The following IMP4 variants were observed in gnomAD, a reference collection of about 807,000 sequenced individuals.
IMP4 encodes U3 small nucleolar ribonucleoprotein IMP4.
Under a neutral mutation model 42.7 loss-of-function variants are expected in IMP4, and 30 were observed. The observed-to-expected ratio is 0.70, with a 90% CI of 0.53 to 0.95. The LOEUF is 0.95. Ranked by LOEUF, IMP4 falls within the 40% of genes least tolerant of loss-of-function variation. The pLI, the probability that IMP4 is intolerant of heterozygous loss-of-function variation, is 0.00. For synonymous variants in IMP4, 165 were observed against 165.2 expected (o/e 1.00, Z 0.01); for missense variants, 382 against 411.4 (o/e 0.93, Z 0.62).
rs1679427199 is a variant in IMP4, at chr2:130,345,178, A to C, written c.197-198A>C. The stretch of plus-strand genomic sequence containing the variant: ...TAGCTTAAGCAAACTACAATTAAAC[A>C]AAAGATTCTGTTTCTCAGCCACGCT... On this transcript the variant is annotated intron_variant, in intron 3 of 8. Coordinates refer to ENST00000259239, the MANE Select transcript of IMP4 (RefSeq NM_033416.3). This position sits in a 1 kb window ranked among gnomAD's most constrained non-coding sequence, Gnocchi z 4.9. 2.6e-5 allele frequency among the ~76,000 whole-genome samples: 4 copies of C among 152,346 alleles called. No homozygotes were observed. In the South Asian group the frequency reaches 8.3e-4, roughly 32 times the overall value.
chr2:130,342,995 T>C (rs1679140046), intron 1 of IMP4, 60 bp downstream of exon 1: 1 of 1,613,088 alleles, frequency 6.2e-7, no homozygotes. Context: ...GGGATGTGGC[T>C]CTGGGGACTT....
Position 130,345,702 on chromosome 2 carries a change from A to G in IMP4, c.439+3A>G, listed in dbSNP as rs1679491280. 1.2e-6 allele frequency: 2 copies of G among 1,613,500 alleles called. No individual in the cohort carries two copies. Among genetic ancestry groups the G allele is most frequent in the East Asian group, 2.2e-5 (1 of 44,856 alleles). On this transcript the variant is annotated splice_donor_region_variant and intron_variant, in intron 5 of 8. Coordinates refer to ENST00000259239, the MANE Select transcript of IMP4 (RefSeq NM_033416.3). This position sits in a 1 kb window ranked among gnomAD's most constrained non-coding sequence, Gnocchi z 4.9. ...TCACGAGCATCGGGGCACACCTGGT[A>G]AGGCCGGAGGGAGGGAGTCGGGGTG... is the stretch of plus-strand genomic sequence containing the variant.
In IMP4 at chr2:130,346,289, G is replaced by A; in HGVS notation, c.763+15G>A. On this transcript the variant is annotated intron_variant, in intron 8 of 8. Coordinates refer to ENST00000259239, the MANE Select transcript of IMP4 (RefSeq NM_033416.3). ...TGAGCTGAAGCGTGAGTTTGAGGCT[G>A]AATCCCGTGTCTGGGGTGGGGAGGG... 6.2e-7 allele frequency: 1 copy of A among 1,613,702 alleles called. No individual in the cohort carries two copies. The highest frequency in any genetic ancestry group is 1.7e-5 in the Admixed American group (1 of 59,966).
At position 130,345,919 on chromosome 2, in the gene IMP4, C is replaced by T. The variant is rs147576325; in HGVS notation, c.580C>T (p.Arg194Cys). Reference sequence around the variant, plus strand: ...CCTCATCACACACGGCTTCTCCTCCCGCCTGGGCAAGCGGGTGAGTCTGGG... The same window carrying T: ...CCTCATCACACACGGCTTCTCCTCCTGCCTGGGCAAGCGGGTGAGTCTGGG... ...PHLITHGFSS[R>C]LGKRVSDILR... Residue 194 changes from arginine to cysteine, a missense_variant, in exon 6 of 9, where the codon CGC (arginine) becomes TGC (cysteine). Transcript: ENST00000259239. The surrounding 1 kb of genome is among the most constrained non-coding windows in gnomAD (Gnocchi z 4.9). 40 of 1,614,180 alleles carry T rather than the reference C, an allele frequency of 2.5e-5. No homozygotes were observed. The highest frequency in any genetic ancestry group is 9.3e-5 in the African/African-American group (7 of 75,060).
In IMP4 at chr2:130,345,483, A is replaced by G. The variant is rs771333403; in HGVS notation, c.304A>G (p.Lys102Glu). 6.2e-7 allele frequency: 1 copy of G among 1,614,004 alleles called. No individual in the cohort carries two copies. Among genetic ancestry groups the G allele is most frequent in the Non-Finnish European group, 8.5e-7 (1 of 1,179,948 alleles). The change falls in exon 4 of 9, where the codon AAG (lysine) becomes GAG (glutamate). Residue 102 changes from lysine to glutamate, a missense_variant and splice_region_variant. By Grantham distance (56) the Lys-to-Glu change is moderately conservative. Coordinates refer to ENST00000259239, the MANE Select transcript of IMP4 (RefSeq NM_033416.3). The surrounding 1 kb of genome is among the most constrained non-coding windows in gnomAD (Gnocchi z 4.9). ...DPSSRLKMFA[K>E]ELKLVFPGAQ... ...CAGTTCCCGCCTCAAGATGTTTGCA[A>G]AGGTACTGGTGAGCAGGGAGTGAGG...
Position 130,342,929 on chromosome 2 carries a change from CA to C in IMP4, c.-2del. The C allele has an allele frequency of 1.9e-6, 3 of 1,614,122 alleles. No homozygotes were observed. In the South Asian group the frequency reaches 3.3e-5, roughly 18 times the overall value. ...CCCGGACCCACGTGGAAGCGGCACT[CA>C]AGATGGTAGGAGAATGAGCTCCTGT... On this transcript the variant is annotated 5_prime_UTR_variant, in exon 1 of 9. Transcript: ENST00000259239.
At position 130,344,752 on chromosome 2, in the gene IMP4, A is replaced by C. The variant is rs774983829; in HGVS notation, c.196+40A>C. ...TAGCCCTCCCCAACACTGAGCTGGC[A>C]GGTCTCCAGTCCTTCCTCAGACACA... is the stretch of plus-strand genomic sequence containing the variant. On this transcript the variant is annotated intron_variant, in intron 3 of 8. Coordinates refer to ENST00000259239, the MANE Select transcript of IMP4 (RefSeq NM_033416.3). 2.4e-5 allele frequency: 33 copies of C among 1,383,616 alleles called. No homozygotes were observed. In the South Asian group the frequency reaches 3.8e-4, roughly 16 times the overall value. The allele number at this position is 1,383,616 out of a possible 1,614,324, so 85.7% of individuals were successfully genotyped here.
Position 130,345,648 on chromosome 2 carries a change from G to C in IMP4, c.388G>C (p.Ala130Pro). 5 of 1,614,132 alleles carry C rather than the reference G, an allele frequency of 3.1e-6. No individual in the cohort carries two copies. Among genetic ancestry groups the C allele is most frequent in the Non-Finnish European group, 4.2e-6 (5 of 1,180,040 alleles). The change falls in exon 5 of 9, where the codon GCC becomes CCC. Residue 130 changes from alanine (A) to proline (P), a missense_variant. By Grantham distance (27) the Ala-to-Pro change is conservative. Transcript: ENST00000259239. This position sits in a 1 kb window ranked among gnomAD's most constrained non-coding sequence, Gnocchi z 4.9. ...GGGGGCACTGGTGCGAGCCTGCAAA[G>C]CCAACGGCGTCACCGATCTGCTGGT... Reference protein sequence around the residue: ...EVGALVRACKANGVTDLLVVH... With the variant: ...EVGALVRACKPNGVTDLLVVH...
chr2:130,343,046 G>A (rs747940085), intron 1 of IMP4, 40 bp from the exon 2 acceptor site: 1 of 1,599,398 alleles, frequency 6.3e-7, no homozygotes, highest in South Asian at 1.1e-5. Context: ...TCCGGGGCTC[G>A]GGAGCGAGTA....
chr2:130,343,274 C>A (rs1364497066), intron 2 of IMP4, 80 bp downstream of exon 2: 3 of 1,044,696 alleles, frequency 2.9e-6, no homozygotes, highest in Non-Finnish European at 4.4e-6. Context: ...AGCGTCTTTC[C>A]AAATGCTTGC....
At position 130,345,965 on chromosome 2, in the gene IMP4, G is replaced by C; in HGVS notation, c.594+32G>C. ...CTGGGGGCCTTCAGGCTGGGGCTGC[G>C]GGCCAGGCCAGGCATTTGCCACTCT... On this transcript the variant is annotated intron_variant, in intron 6 of 8. Transcript: ENST00000259239. This position sits in a 1 kb window ranked among gnomAD's most constrained non-coding sequence, Gnocchi z 4.9. The C allele has an allele frequency of 6.2e-7, 1 of 1,614,164 alleles. No individual in the cohort carries two copies. The highest frequency in any genetic ancestry group is 8.5e-7 in the Non-Finnish European group (1 of 1,180,026).
chr2:130,346,159 C>G (rs377432314), intron 7 of IMP4, 42 bp from the exon 8 acceptor site: 2 of 1,612,470 alleles, frequency 1.2e-6, no homozygotes, highest in Non-Finnish European at 1.7e-6. Flanking sequence ...ACCCTGTGTA[C>G]CTCGTGCTGC....
chr2:130,346,488 AGGACAT>A lies in IMP4; in HGVS notation c.*25_*30del, dbSNP rs1200124201. On this transcript the variant is annotated 3_prime_UTR_variant, in exon 9 of 9. Coordinates refer to ENST00000259239, the MANE Select transcript of IMP4 (RefSeq NM_033416.3). ...GAGTGAGCACACTCACCACTCAGTCAGGACATGGACTTGGAACTCAGGATGGGGCTG... is the reference window on the plus strand; with the variant it reads ...GAGTGAGCACACTCACCACTCAGTCAGGACTTGGAACTCAGGATGGGGCTG... The A allele has an allele frequency of 2.0e-6, 3 of 1,513,162 alleles. No individual in the cohort carries two copies. The highest frequency in any genetic ancestry group is 9.0e-7 in the Non-Finnish European group (1 of 1,112,638). 93.7% of individuals were successfully genotyped at this position (1,513,162 alleles called of 1,614,324 possible). A position where few individuals can be genotyped will look rare whatever the true frequency, so the allele number is the denominator to read the frequency against.
chr2:130,343,450 T>G, intron 2 of IMP4: 2 of 668,642 alleles, frequency 3.0e-6, no homozygotes. Context: ...CTTTATCTTG[T>G]CCTGTAGAAA....
rs1351893930 is a variant in IMP4 at position 130,342,932 on chromosome 2, G to C, written c.-1G>C. The C allele has an allele frequency of 4.3e-6, 7 of 1,614,064 alleles. No individual in the cohort carries two copies. Among genetic ancestry groups the C allele is most frequent in the South Asian group, 3.3e-5 (3 of 91,086 alleles). ...GGACCCACGTGGAAGCGGCACTCAA[G>C]ATGGTAGGAGAATGAGCTCCTGTTT... On this transcript the variant is annotated 5_prime_UTR_variant, in exon 1 of 9. Transcript: ENST00000259239.
chr2:130,344,552 A>C, intron 2 of IMP4, 77 bp from the exon 3 acceptor site: 1 of 916,938 alleles, frequency 1.1e-6, no homozygotes, highest in Non-Finnish European at 1.8e-6. Flanking sequence ...TGTGCAGGCT[A>C]ATAAGCTGTG....
rs1324754659 is a variant in IMP4 at position 130,342,921 on chromosome 2, G to A, written c.-12G>A. The A allele has an allele frequency of 6.2e-7, 1 of 1,614,054 alleles. No individual in the cohort carries two copies. Among genetic ancestry groups the A allele is most frequent in the Non-Finnish European group, 8.5e-7 (1 of 1,180,008 alleles). On this transcript the variant is annotated 5_prime_UTR_variant, in exon 1 of 9. Transcript: ENST00000259239. ...CAGATTCTCCCGGACCCACGTGGAA[G>A]CGGCACTCAAGATGGTAGGAGAATG...
In IMP4 at chr2:130,346,265, G is replaced by T; in HGVS notation, c.754G>T (p.Glu252Ter). 1 of 1,614,118 alleles carries T rather than the reference G, an allele frequency of 6.2e-7. No homozygotes were observed. The highest frequency in any genetic ancestry group is 8.5e-7 in the Non-Finnish European group (1 of 1,180,000). ...VELTEVGPRF[E>*]LKLYMIRLGT... The stretch of plus-strand genomic sequence containing the variant: ...GCTCACTGAGGTCGGGCCCCGCTTT[G>T]AGCTGAAGCGTGAGTTTGAGGCTGA... The change falls in exon 8 of 9, where the codon GAG becomes TAG. Residue 252 changes from glutamate to a stop codon, truncating the protein, a stop_gained. Coordinates refer to ENST00000259239, the MANE Select transcript of IMP4 (RefSeq NM_033416.3). LOFTEE classifies it high-confidence loss of function.
At chr2:130,346,313 G>A (rs762663436) in intron 8 of IMP4, 39 bp downstream of exon 8, 1 of 1,611,058 alleles carries the variant, frequency 6.2e-7, no homozygotes, top group Non-Finnish European at 8.5e-7. Flanking sequence ...GGGTGGGGAG[G>A]GGAGGCTGGC....
Sources: gnomAD v4.1 joint callset for allele counts (sites outside exome capture counted in the v4.1 genomes callset) on GRCh38, gnomAD v4.1.1 for gene constraint, Gnocchi (gnomAD v3.1) non-coding constraint, MANE v1.5 for transcripts, NCBI Gene and HGNC (gene_info 2026-07-23, HGNC 2026-07-21) for gene names.